The following C12orf56 variants were observed in gnomAD, a reference collection of about 807,000 sequenced individuals.
The protein encoded by C12orf56 is uncharacterized protein C12orf56.
C12orf56 carries 71 observed loss-of-function variants against 69.9 expected under a neutral mutation model. That is an observed-to-expected ratio of 1.02 (90% confidence interval 0.84 to 1.24). C12orf56 has a LOEUF of 1.24. Among genes scored for constraint, C12orf56 ranks in the 50% most tolerant of loss-of-function variants. C12orf56 has a pLI of 0.00. For synonymous variants in C12orf56, 276 were observed against 274.1 expected, an observed-to-expected ratio of 1.01 and a Z score of -0.07; for missense variants, 732 against 738.5, an observed-to-expected ratio of 0.99 and a Z score of 0.10.
chr12:64,331,714 G>T (rs2038932347), intron 2 of C12orf56, among the ~76,000 whole-genome samples: 1 of 152,052 alleles, frequency 6.6e-6, no homozygotes, highest in Non-Finnish European at 1.5e-5. Context: ...CTGAAGCAGA[G>T]GGCAGCCCTC....
intron 1 of C12orf56, among the ~76,000 whole-genome samples, chr12:64,365,550 G>T (rs2039455483): frequency 6.6e-6 from 1 of 151,234 alleles, no homozygotes; most frequent in Admixed American, 6.7e-5. Flanking sequence ...CTAATGAGTG[G>T]CAGACCAGAG....
chr12:64,364,581 G>A (rs1385628425), intron 1 of C12orf56, among the ~76,000 whole-genome samples: 2 of 152,022 alleles, frequency 1.3e-5, no homozygotes, highest in Non-Finnish European at 1.5e-5. Context: ...ACATGTTGTC[G>A]CATGTTGCTG....
chr12:64,369,297 A>T (rs2039538782), intron 1 of C12orf56, among the ~76,000 whole-genome samples: 1 of 152,178 alleles, frequency 6.6e-6, no homozygotes, highest in Admixed American at 6.5e-5. Context: ...TCCCGGGTTC[A>T]AATGATTCTC....
chr12:64,375,964 C>T (rs2039634357), intron 1 of C12orf56, among the ~76,000 whole-genome samples: 1 of 152,166 alleles, frequency 6.6e-6, no homozygotes, highest in Non-Finnish European at 1.5e-5. Flanking sequence ...AGGTCATGGT[C>T]ACCTTGTGTG....
At chr12:64,312,415 T>G (rs2038631626) in intron 5 of C12orf56, among the ~76,000 whole-genome samples, 1 of 152,068 alleles carries the variant, frequency 6.6e-6, no homozygotes, top group African/African-American at 2.4e-5. Flanking sequence ...CTAACCGACC[T>G]GGCCAACATG....
chr12:64,380,346 ACTC>A (rs894885127), intron 1 of C12orf56, among the ~76,000 whole-genome samples: 125 of 152,096 alleles, frequency 8.2e-4, no homozygotes, highest in African/African-American at 2.8e-3. Context: ...GGAAATATCA[ACTC>A]CTTCTCTAAG....
chr12:64,353,621 A>G (rs369883580), intron 1 of C12orf56, among the ~76,000 whole-genome samples: 4 of 152,286 alleles, frequency 2.6e-5, no homozygotes, highest in Middle Eastern at 3.4e-3. Flanking sequence ...TGCTACATAA[A>G]CACTAAGTGT....
chr12:64,379,444 C>T (rs2135982559), intron 1 of C12orf56, among the ~76,000 whole-genome samples: 1 of 151,968 alleles, frequency 6.6e-6, no homozygotes, highest in East Asian at 2.0e-4. Flanking sequence ...GCCACCATGC[C>T]CGGCTATTTT....
chr12:64,352,116 G>GTTTTTTTTTTTTTTTTTTTTTTTTTTTTT (rs55635010), intron 2 of C12orf56, among the ~76,000 whole-genome samples: 2 of 147,208 alleles, frequency 1.4e-5, no homozygotes, highest in African/African-American at 5.2e-5. Flanking sequence ...TTTTTTTTTT[G>GTTTTTTTTTTTTTTTTTTTTTTTTTTTTT]TTTTTTTTTT....
intron 1 of C12orf56, among the ~76,000 whole-genome samples, chr12:64,384,607 G>A (rs995626141): frequency 4.6e-5 from 7 of 152,172 alleles, no homozygotes; most frequent in Non-Finnish European, 7.3e-5. Flanking sequence ...CTAGAGAGCA[G>A]ATATTCACAA....
At chr12:64,379,503 G>C (rs2135982633) in intron 1 of C12orf56, among the ~76,000 whole-genome samples, 1 of 151,794 alleles carries the variant, frequency 6.6e-6, no homozygotes, top group South Asian at 2.1e-4. Context: ...ATCCAGGATG[G>C]TCTCAATCTC....
chr12:64,353,705 GGAGT>G (rs2039265165), intron 1 of C12orf56, among the ~76,000 whole-genome samples: 1 of 152,018 alleles, frequency 6.6e-6, no homozygotes, highest in South Asian at 2.1e-4. Flanking sequence ...TTGTTGAGAT[GGAGT>G]CTCTCTCTGT....
intron 4 of C12orf56, among the ~76,000 whole-genome samples, chr12:64,315,476 G>A (rs555462318): frequency 2.0e-5 from 3 of 152,066 alleles, no homozygotes; most frequent in South Asian, 2.1e-4. Context: ...AATTTAAGGC[G>A]CTAAACAACC....
At chr12:64,331,813 T>C (rs1219548010) in intron 2 of C12orf56, among the ~76,000 whole-genome samples, 1 of 152,146 alleles carries the variant, frequency 6.6e-6, no homozygotes. Flanking sequence ...ATAAATTACC[T>C]AGTCTAAGGT....
At chr12:64,325,282 G>A (rs1456077399) in intron 3 of C12orf56, among the ~76,000 whole-genome samples, 1 of 151,474 alleles carries the variant, frequency 6.6e-6, no homozygotes, top group East Asian at 1.9e-4. Flanking sequence ...TGTAATCCCA[G>A]CTACCTAGGA....
intron 12 of C12orf56, 26 bp from the exon 13 acceptor site, chr12:64,267,314 T>C (rs1036272026): frequency 7.8e-6 from 12 of 1,538,390 alleles, no homozygotes; most frequent in African/African-American, 1.4e-5. Flanking sequence ...AGAAACAAAA[T>C]AGAGAGTTTT....
chr12:64,360,312 C>T (rs2039382762), intron 1 of C12orf56, among the ~76,000 whole-genome samples: 1 of 151,902 alleles, frequency 6.6e-6, no homozygotes, highest in African/African-American at 2.4e-5. Flanking sequence ...GTAATCCCAG[C>T]TACTCGGGAG....
At chr12:64,296,884 T>C (rs946665048) in intron 6 of C12orf56, among the ~76,000 whole-genome samples, 3 of 123,428 alleles carry the variant, frequency 2.4e-5, no homozygotes, top group Admixed American at 1.7e-4. Context: ...TTTTTTTTTT[T>C]GCATGCTCTT....
intron 2 of C12orf56, chr12:64,338,499 C>T: frequency 9.8e-7 from 1 of 1,023,836 alleles, no homozygotes; most frequent in Non-Finnish European, 1.6e-6. Flanking sequence ...ATTCAGGGCT[C>T]CAGCAACTGG....
Sources: gnomAD v4.1 joint callset for allele counts (sites outside exome capture counted in the v4.1 genomes callset) on GRCh38, gnomAD v4.1.1 for gene constraint, MANE v1.5 for transcripts, NCBI Gene and HGNC (gene_info 2026-07-23, HGNC 2026-07-21) for gene names.